Variants in DST observed in about 807,000 individuals in gnomAD.
The protein encoded by DST is bullous pemphigoid antigen.
A neutral mutation model predicts 875.2 loss-of-function variants in DST; 253 were observed. The observed-to-expected ratio is 0.29, with a 90% confidence interval of 0.26 to 0.32. The LOEUF is 0.32. Among genes scored for constraint, DST ranks in the 10% least tolerant of loss-of-function variants. DST has a pLI of 1.00. For missense variants in DST, 8,287 were observed against 9,111.6 expected (o/e 0.91, Z 3.68); for synonymous variants, 3,124 against 3,197.1 (o/e 0.98, Z 0.77).
At chr6:56,734,001 G>A (rs2099513416) in intron 5 of DST, among the ~76,000 whole-genome samples, 1 of 152,156 alleles carries the variant, frequency 6.6e-6, no homozygotes, top group African/African-American at 2.4e-5. Flanking sequence ...AGCACTCCAG[G>A]CAACTTATTA....
Position 56,463,661 on chromosome 6 carries a change from T to G in DST, c.22863A>C (p.Pro7621=), listed in dbSNP as rs1428255507. ...TGTTGGGTGAAGCGCCTCGTGATGA[T>G]GGCCGGGATCTTCGGCCTCGGGGTC... ...AFRPRGRRSR[P]SSRGASPNRS... The change falls in exon 101 of 104, where the codon CCA becomes CCC. Residue 7621 remains proline (P), a synonymous_variant. Coordinates refer to ENST00000680361, the MANE Select transcript of DST (RefSeq NM_001374736.1). 1.2e-6 allele frequency: 2 copies of G among 1,614,018 alleles called. No homozygotes were observed. The highest frequency in any genetic ancestry group is 3.3e-5 in the Admixed American group (2 of 60,032).
chr6:56,779,177 G>C (rs994934585), intron 4 of DST, among the ~76,000 whole-genome samples: 1 of 152,010 alleles, frequency 6.6e-6, no homozygotes, highest in African/African-American at 2.4e-5. Context: ...CTGCATAAAC[G>C]TCTTCTTTTG....
intron 10 of DST, among the ~76,000 whole-genome samples, chr6:56,658,669 A>ACC (rs112515211): frequency 0.077 from 11,785 of 152,194 alleles, 1,444 homozygotes; most frequent in African/African-American, 0.26. Context: ...CATAGAAATA[A>ACC]TTCTTCCCAG....
At chr6:56,695,984 T>C (rs2099261400) in intron 9 of DST, among the ~76,000 whole-genome samples, 1 of 152,192 alleles carries the variant, frequency 6.6e-6, no homozygotes. Context: ...CTAAAAAAAG[T>C]TATTTCATTT....
chr6:56,922,154 T>G (rs1804632122), intron 2 of DST, among the ~76,000 whole-genome samples: 2 of 152,198 alleles, frequency 1.3e-5, no homozygotes, highest in Admixed American at 1.3e-4. Flanking sequence ...AGAAGCATAC[T>G]GCTTATGTTA....
Position 56,561,472 on chromosome 6 carries a change from T to C in DST, c.14146A>G (p.Ile4716Val), listed in dbSNP as rs1235137512. 3.7e-6 allele frequency: 6 copies of C among 1,613,900 alleles called. No individual in the cohort carries two copies. The highest frequency in any genetic ancestry group is 5.1e-6 in the Non-Finnish European group (6 of 1,179,806). Residue 4716 changes from isoleucine (I) to valine (V), a missense_variant, in exon 57 of 104, where the codon ATA becomes GTA. By Grantham distance (29) the Ile-to-Val change is conservative (BLOSUM62 3). Coordinates refer to ENST00000680361, the MANE Select transcript of DST (RefSeq NM_001374736.1). ...GAGAGTTTAGTGTTCAGTTCCGCTA[T>C]TTTGTCCTTGAGTAAGAGGCCAAGA... Reference protein sequence around the residue: ...EDLGLLLKDKIAELNTKLSKL... With the variant: ...EDLGLLLKDKVAELNTKLSKL...
intron 89 of DST, 195 bp from the exon 90 acceptor site, chr6:56,482,373 AGCCT>A: frequency 1.5e-6 from 1 of 680,510 alleles, no homozygotes; most frequent in Non-Finnish European, 2.2e-6. Context: ...TTAAAAAAAA[AGCCT>A]ATATGAAGAA....
chr6:56,632,765 T>A (rs2098792078), intron 28 of DST, 89 bp downstream of exon 28: 3 of 1,028,574 alleles, frequency 2.9e-6, no homozygotes, highest in Admixed American at 3.7e-5. Context: ...TGATACAATA[T>A]ACCTAAGATT....
intron 4 of DST, among the ~76,000 whole-genome samples, chr6:56,762,116 G>C (rs974816520): frequency 4.6e-5 from 7 of 152,068 alleles, no homozygotes; most frequent in African/African-American, 1.4e-4. Context: ...CACCTCCCGG[G>C]CTCAAGCAAT....
At chr6:56,462,124 G>A (rs952097226) in intron 102 of DST, 2 of 152,112 alleles carry the variant, frequency 1.3e-5, no homozygotes, top group African/African-American at 4.8e-5. Flanking sequence ...TTTAAGTTAC[G>A]TCCTTTATCA....
chr6:56,916,805 C>T (rs1450301380), intron 2 of DST, among the ~76,000 whole-genome samples: 11 of 148,590 alleles, frequency 7.4e-5, no homozygotes, highest in African/African-American at 2.5e-4. Context: ...CACACACACA[C>T]ACACACACAC....
At chr6:56,614,696 C>T (rs2098595288) in intron 36 of DST, 2 of 1,178,676 alleles carry the variant, frequency 1.7e-6, no homozygotes, top group Admixed American at 4.6e-5. Flanking sequence ...CTATGGCATA[C>T]ATTCCTTAAT....
intron 9 of DST, among the ~76,000 whole-genome samples, chr6:56,693,723 A>C (rs2099246815): frequency 6.6e-6 from 1 of 152,078 alleles, no homozygotes; most frequent in South Asian, 2.1e-4. Flanking sequence ...TAATTTTGGT[A>C]CTTGCACACA....
chr6:56,602,410 A>C (rs1049452416), intron 43 of DST, among the ~76,000 whole-genome samples: 3 of 151,964 alleles, frequency 2.0e-5, no homozygotes, highest in African/African-American at 7.2e-5. Context: ...CAGGTATATC[A>C]TATAGCCTAG....
At chr6:56,931,623 C>T (rs888123303) in intron 2 of DST, among the ~76,000 whole-genome samples, 3 of 152,240 alleles carry the variant, frequency 2.0e-5, no homozygotes, top group African/African-American at 7.2e-5. Flanking sequence ...TTCAAAGCCA[C>T]AGGGGTGGAG....
At chr6:56,930,928 T>C (rs1026929123) in intron 2 of DST, among the ~76,000 whole-genome samples, 1 of 152,204 alleles carries the variant, frequency 6.6e-6, no homozygotes, top group Non-Finnish European at 1.5e-5. Flanking sequence ...ATGTCATTAA[T>C]ATACAATGTG....
chr6:56,516,156 AG>A (rs1554278492), intron 71 of DST, among the ~76,000 whole-genome samples: 1 of 77,168 alleles, frequency 1.3e-5, no homozygotes, highest in Non-Finnish European at 3.2e-5. Context: ...AGAAAGAGAA[AG>A]AGAGAAAGAG....
At chr6:56,905,909 A>G (rs1466796882) in intron 2 of DST, among the ~76,000 whole-genome samples, 4 of 152,152 alleles carry the variant, frequency 2.6e-5, no homozygotes, top group African/African-American at 4.8e-5. Context: ...TCGGCCTTCC[A>G]AAGTGCTGGG....
chr6:56,810,124 C>T (rs941039220), intron 4 of DST, among the ~76,000 whole-genome samples: 3 of 152,040 alleles, frequency 2.0e-5, no homozygotes, highest in Non-Finnish European at 2.9e-5. Context: ...GCCAGAAGTT[C>T]GAGACCAGCT....
Sources: allele counts gnomAD v4.1 joint callset (sites outside exome capture counted in the v4.1 genomes callset), GRCh38; gene constraint gnomAD v4.1.1; transcripts MANE v1.5; gene names NCBI Gene and HGNC (gene_info 2026-07-23, HGNC 2026-07-21).